The following MAP4K4 variants were observed in gnomAD, a reference collection of about 807,000 sequenced individuals.
The protein encoded by MAP4K4 is mitogen-activated protein kinase kinase kinase kinase 4.
MAP4K4 carries 38 observed loss-of-function variants against 189.6 expected under a neutral mutation model. The observed-to-expected ratio is 0.20, with a 90% CI of 0.15 to 0.26. The LOEUF is 0.26. MAP4K4 is among the 10% of genes least tolerant of loss of function. The pLI is 1.00. For missense variants in MAP4K4, 1,054 were observed against 1,726.9 expected (o/e 0.61, Z 6.91); for synonymous variants, 610 against 624.3 (o/e 0.98, Z 0.34).
intron 2 of MAP4K4, among the ~76,000 whole-genome samples, chr2:101,754,477 A>G (rs914405172): frequency 2.7e-5 from 4 of 149,888 alleles, no homozygotes; most frequent in African/African-American, 9.9e-5. Context: ...TCAGTTTCCC[A>G]GGTAGCTGGG....
intron 3 of MAP4K4, among the ~76,000 whole-genome samples, chr2:101,796,880 C>CT (rs2093753468): frequency 6.6e-6 from 1 of 152,222 alleles, no homozygotes; most frequent in East Asian, 1.9e-4. Flanking sequence ...AAAGCCCTTC[C>CT]TAGAGCAGCC....
chr2:101,814,268 C>T (rs185098061), intron 3 of MAP4K4, among the ~76,000 whole-genome samples: 2 of 152,280 alleles, frequency 1.3e-5, no homozygotes, highest in Non-Finnish European at 2.9e-5. Flanking sequence ...TGAAAGGTGT[C>T]TGTTAGGAAT....
chr2:101,773,073 C>T (rs1041938163), intron 2 of MAP4K4, among the ~76,000 whole-genome samples: 2 of 152,198 alleles, frequency 1.3e-5, no homozygotes, highest in African/African-American at 4.8e-5. Flanking sequence ...CTTCCTTGGG[C>T]TTCTCTGTGC....
At chr2:101,782,661 C>CCTTACTCCTGCTCTATTAGGACTCCAGT (rs1427637716) in intron 2 of MAP4K4, among the ~76,000 whole-genome samples, 4 of 152,094 alleles carry the variant, frequency 2.6e-5, no homozygotes, top group Non-Finnish European at 5.9e-5. Flanking sequence ...GCTCATGTTT[C>CCTTACTCCTGCTCTATTAGGACTCCAGT]CTTACTCCTG....
intron 2 of MAP4K4, 85 bp downstream of exon 2, chr2:101,698,623 G>T (rs2036067170): frequency 7.4e-7 from 1 of 1,345,196 alleles, no homozygotes; most frequent in Admixed American, 1.9e-5. Context: ...ACATGCTGCT[G>T]ACTGGAGGCC....
chr2:101,713,145 TC>T (rs1559053870), intron 2 of MAP4K4, among the ~76,000 whole-genome samples: 1 of 151,700 alleles, frequency 6.6e-6, no homozygotes, highest in South Asian at 2.1e-4. Context: ...CCTCAGGTGA[TC>T]CACCCACCTC....
At chr2:101,850,569 G>T (rs1450681705) in intron 12 of MAP4K4, among the ~76,000 whole-genome samples, 1 of 152,108 alleles carries the variant, frequency 6.6e-6, no homozygotes, top group Non-Finnish European at 1.5e-5. Flanking sequence ...AACATTAGGA[G>T]TACATGTTAG....
chr2:101,776,307 G>A (rs1420141417), intron 2 of MAP4K4, among the ~76,000 whole-genome samples: 1 of 152,128 alleles, frequency 6.6e-6, no homozygotes, highest in Non-Finnish European at 1.5e-5. Flanking sequence ...TTGCTGTTCT[G>A]CACTCAAGAA....
At chr2:101,766,221 T>C (rs962040239) in intron 2 of MAP4K4, among the ~76,000 whole-genome samples, 1 of 152,224 alleles carries the variant, frequency 6.6e-6, no homozygotes, top group African/African-American at 2.4e-5. Context: ...TATGAATTTC[T>C]GAAATTACAG....
chr2:101,866,915 A>G (rs1268053575), intron 19 of MAP4K4, among the ~76,000 whole-genome samples: 4 of 151,274 alleles, frequency 2.6e-5, no homozygotes, highest in Non-Finnish European at 5.9e-5. Context: ...TGGTTATTTT[A>G]ATGTACTCAT....
chr2:101,867,161 AT>A lies in MAP4K4; in HGVS notation c.2357-50del, dbSNP rs140455769. On this transcript the variant is annotated intron_variant, in intron 19 of 32. Coordinates refer to ENST00000324219, the Ensembl canonical transcript of MAP4K4. Reference sequence around the variant, plus strand: ...TGGGCAGGGCAGCTTCATAATACACATCCATATGTTGATATGTGTCTGTCCA... The same window carrying A: ...TGGGCAGGGCAGCTTCATAATACACACCATATGTTGATATGTGTCTGTCCA... 1.0e-3 allele frequency: 1,227 copies of A among 1,213,092 alleles called. 6 individuals are homozygous for A. The African/African-American group carries it at 0.017, about 16-fold the overall frequency. The allele number at this position is 1,213,092 out of a possible 1,614,324, so 75.1% of individuals were successfully genotyped here.
At chr2:101,889,835 T>G (rs1446628303) in intron 32 of MAP4K4, among the ~76,000 whole-genome samples, 1 of 152,216 alleles carries the variant, frequency 6.6e-6, no homozygotes, top group Non-Finnish European at 1.5e-5. Context: ...ACATATGTCC[T>G]TGGCAGCTGG....
At chr2:101,856,254 C>A in intron 13 of MAP4K4, 116 bp downstream of exon 13, 2 of 917,616 alleles carry the variant, frequency 2.2e-6, no homozygotes, top group Non-Finnish European at 3.2e-6. Context: ...TACACACATA[C>A]ACATATACTT....
intron 2 of MAP4K4, among the ~76,000 whole-genome samples, chr2:101,733,868 C>T (rs1255237268): frequency 6.6e-6 from 1 of 152,194 alleles, no homozygotes; most frequent in Non-Finnish European, 1.5e-5. Flanking sequence ...AGTTCTTTCA[C>T]ATACTAGCTG....
intron 2 of MAP4K4, among the ~76,000 whole-genome samples, chr2:101,708,978 C>T (rs1399008844): frequency 6.6e-6 from 1 of 152,122 alleles, no homozygotes; most frequent in Non-Finnish European, 1.5e-5. Context: ...TACCTGTTCA[C>T]CAATTGATAG....
chr2:101,876,296 A>G (rs545024061), intron 26 of MAP4K4, among the ~76,000 whole-genome samples: 1 of 152,330 alleles, frequency 6.6e-6, no homozygotes, highest in East Asian at 1.9e-4. Flanking sequence ...AAATGTCTCC[A>G]CTGAGGAAGC....
At chr2:101,890,561 A>G (rs1429238709) in intron 32 of MAP4K4, among the ~76,000 whole-genome samples, 2 of 152,016 alleles carry the variant, frequency 1.3e-5, no homozygotes, top group African/African-American at 2.4e-5. Context: ...GGTGCAAGCA[A>G]TTCTCTTCCT....
rs141548113 is a variant in MAP4K4, at chr2:101,739,275, T to C, written c.123+40737T>C. On this transcript the variant is annotated intron_variant, in intron 2 of 32. Transcript: ENST00000324219. The stretch of plus-strand genomic sequence containing the variant: ...CAGTAGTTCCCAAAGGTGTTACTTC[T>C]GTTGCCTTCAGGTTACAGCATGGAT... Among the ~76,000 whole-genome samples, 359 of 152,346 alleles carry C rather than the reference T, an allele frequency of 2.4e-3. 1 individual carries two copies. The highest frequency in any genetic ancestry group is 8.2e-3 in the African/African-American group (340 of 41,578).
chr2:101,719,880 C>T (rs1343316804), intron 2 of MAP4K4, among the ~76,000 whole-genome samples: 5 of 151,750 alleles, frequency 3.3e-5, no homozygotes, highest in African/African-American at 4.8e-5. Flanking sequence ...GGCGTGGTGG[C>T]GGGCGCCTGT....
Sources: allele counts gnomAD v4.1 joint callset (sites outside exome capture counted in the v4.1 genomes callset), GRCh38; gene constraint gnomAD v4.1.1; transcripts MANE v1.5; gene names NCBI Gene and HGNC (gene_info 2026-07-23, HGNC 2026-07-21).